Variants in SDCCAG8 observed in about 807,000 individuals in gnomAD.
SDCCAG8 encodes serologically defined colon cancer antigen 8.
A neutral mutation model predicts 101.8 loss-of-function variants in SDCCAG8; 74 were observed. The observed-to-expected ratio is 0.73, with a 90% CI of 0.60 to 0.88. The LOEUF (loss-of-function observed/expected upper bound fraction) is 0.88, where lower values mean the gene tolerates loss of function less well. Ranked by LOEUF, SDCCAG8 falls within the 40% of genes least tolerant of loss-of-function variation. SDCCAG8 has a pLI of 0.00. For synonymous variants in SDCCAG8, 281 were observed against 292.9 expected (o/e 0.96, Z 0.41); for missense variants, 787 against 822.6 (o/e 0.96, Z 0.53).
intron 9 of SDCCAG8, among the ~76,000 whole-genome samples, chr1:243,328,482 G>C (rs2074369340): frequency 6.6e-6 from 1 of 151,846 alleles, no homozygotes; most frequent in African/African-American, 2.4e-5. Flanking sequence ...TCACCATGTT[G>C]GCCTGGCTGG....
chr1:243,306,214 T>C (rs2072111456), intron 7 of SDCCAG8: 1 of 152,132 alleles, frequency 6.6e-6, no homozygotes, highest in African/African-American at 2.4e-5. Context: ...TCTTAGAGAT[T>C]TTTACTTTTT....
intron 17 of SDCCAG8, among the ~76,000 whole-genome samples, chr1:243,492,155 T>G (rs1666590378): frequency 6.6e-6 from 1 of 151,950 alleles, no homozygotes; most frequent in South Asian, 2.1e-4. Flanking sequence ...ACAACATGGC[T>G]GGCAGAGGGA....
At chr1:243,271,363 A>G (rs1360869699) in intron 3 of SDCCAG8, among the ~76,000 whole-genome samples, 3 of 148,644 alleles carry the variant, frequency 2.0e-5, no homozygotes, top group African/African-American at 7.4e-5. Context: ...TAATAAATTA[A>G]TATAATAAAT....
intron 1 of SDCCAG8, among the ~76,000 whole-genome samples, chr1:243,268,457 A>G (rs1572860806): frequency 6.6e-6 from 1 of 152,358 alleles, no homozygotes; most frequent in African/African-American, 2.4e-5. Context: ...AGAGGAGGCC[A>G]GTTTTCATTA....
chr1:243,404,428 A>G (rs2079616161), intron 13 of SDCCAG8, among the ~76,000 whole-genome samples: 1 of 152,266 alleles, frequency 6.6e-6, no homozygotes, highest in Non-Finnish European at 1.5e-5. Flanking sequence ...AAGAATAGTT[A>G]TAAGCAAGTA....
At chr1:243,367,034 A>G (rs912711273) in intron 12 of SDCCAG8, among the ~76,000 whole-genome samples, 1 of 152,090 alleles carries the variant, frequency 6.6e-6, no homozygotes, top group Non-Finnish European at 1.5e-5. Flanking sequence ...GAATTATTTT[A>G]TTATATTTTA....
At position 243,409,934 on chromosome 1, in the gene SDCCAG8, T is replaced by C. The variant is rs954724040; in HGVS notation, c.1617-5768T>C. 1.0e-3 allele frequency among the ~76,000 whole-genome samples: 152 copies of C among 152,202 alleles called. 1 individual carries two copies. Among genetic ancestry groups the C allele is most frequent in the Non-Finnish European group, 1.3e-4 (9 of 68,040 alleles). ...GATGAAGAATAGGATGTTTGCATAG[T>C]CTAGGCATCTCCCAACAAATTACCT... On this transcript the variant is annotated intron_variant, in intron 13 of 17. Coordinates refer to ENST00000366541, the MANE Select transcript of SDCCAG8 (RefSeq NM_006642.5).
chr1:243,375,250 C>G (rs2077533415), intron 12 of SDCCAG8, among the ~76,000 whole-genome samples: 1 of 152,024 alleles, frequency 6.6e-6, no homozygotes, highest in Non-Finnish European at 1.5e-5. Context: ...TGAAGATAAA[C>G]ATCAGAAGAA....
chr1:243,499,196 A>AAGAG (rs1248205691), intron 17 of SDCCAG8, among the ~76,000 whole-genome samples: 1 of 152,232 alleles, frequency 6.6e-6, no homozygotes, highest in Non-Finnish European at 1.5e-5. Context: ...GCGTAAAACT[A>AAGAG]AGAGACCTCA....
At chr1:243,383,306 T>C (rs2078073829) in intron 13 of SDCCAG8, among the ~76,000 whole-genome samples, 2 of 152,202 alleles carry the variant, frequency 1.3e-5, no homozygotes. Flanking sequence ...GTATCTTCTG[T>C]AGGCATTCAC....
At chr1:243,447,471 A>G (rs1485376681) in intron 16 of SDCCAG8, among the ~76,000 whole-genome samples, 1 of 152,006 alleles carries the variant, frequency 6.6e-6, no homozygotes, top group Non-Finnish European at 1.5e-5. Context: ...ATTAGGTCTT[A>G]GTATCTATCA....
At chr1:243,429,179 T>C (rs1211231387) in intron 16 of SDCCAG8, among the ~76,000 whole-genome samples, 3 of 152,210 alleles carry the variant, frequency 2.0e-5, no homozygotes, top group Non-Finnish European at 4.4e-5. Flanking sequence ...AGATGATTCA[T>C]CTTATAAACA....
At chr1:243,259,133 GC>G (rs2066992740) in intron 1 of SDCCAG8, among the ~76,000 whole-genome samples, 1 of 152,192 alleles carries the variant, frequency 6.6e-6, no homozygotes, top group African/African-American at 2.4e-5. Flanking sequence ...GGGCGTGGTG[GC>G]TCACGCCTGT....
At chr1:243,276,466 T>A (rs1443669794) in intron 4 of SDCCAG8, among the ~76,000 whole-genome samples, 1 of 152,218 alleles carries the variant, frequency 6.6e-6, no homozygotes, top group Non-Finnish European at 1.5e-5. Context: ...TTTGTTTATT[T>A]AGTTAATGGA....
intron 8 of SDCCAG8, among the ~76,000 whole-genome samples, chr1:243,313,418 T>G (rs2072943303): frequency 6.6e-6 from 1 of 152,210 alleles, no homozygotes; most frequent in African/African-American, 2.4e-5. Flanking sequence ...AGGGACTTTC[T>G]CAGTCCTTTT....
At chr1:243,371,110 C>T (rs1368853592) in intron 12 of SDCCAG8, among the ~76,000 whole-genome samples, 2 of 152,074 alleles carry the variant, frequency 1.3e-5, no homozygotes, top group African/African-American at 2.4e-5. Flanking sequence ...ACATTGAGAT[C>T]CTTGTGTTTG....
rs760462505 is a variant in SDCCAG8, at chr1:243,270,971, T to C, written c.221-7T>C. ...AGGTTAATAAACCCTCTGCTTTTGC[T>C]CTATAGTTAATCAGCTCAAAGATTT... is the stretch of plus-strand genomic sequence containing the variant. On this transcript the variant is annotated splice_polypyrimidine_tract_variant and splice_region_variant and intron_variant, in intron 2 of 17. Transcript: ENST00000366541. The C allele has an allele frequency of 1.2e-6, 2 of 1,606,702 alleles. No homozygotes were observed. Among genetic ancestry groups the C allele is most frequent in the East Asian group, 2.2e-5 (1 of 44,766 alleles).
chr1:243,412,034 C>T (rs2080217032), intron 13 of SDCCAG8, among the ~76,000 whole-genome samples: 1 of 152,124 alleles, frequency 6.6e-6, no homozygotes, highest in South Asian at 2.1e-4. Flanking sequence ...TAAATTTTCC[C>T]CTTATACCTT....
rs1325396530 is a variant in SDCCAG8 at position 243,335,850 on chromosome 1, CCTAA to C, written c.1221+5159_1221+5162del. On this transcript the variant is annotated intron_variant, in intron 10 of 17. Transcript: ENST00000366541. ...GTTGCTATCTTTATATCCGTGAGTA[CCTAA>C]TACTTAGCTCCCACTTGTGAGTGAG... 4.5e-3 allele frequency among the ~76,000 whole-genome samples: 683 copies of C among 152,280 alleles called. 4 individuals are homozygous for C. Among genetic ancestry groups the C allele is most frequent in the African/African-American group, 0.015 (631 of 41,544 alleles).
Sources: allele counts gnomAD v4.1 joint callset (sites outside exome capture counted in the v4.1 genomes callset), GRCh38; gene constraint gnomAD v4.1.1; transcripts MANE v1.5; gene names NCBI Gene and HGNC (gene_info 2026-07-23, HGNC 2026-07-21).